The following JMY variants were observed in gnomAD, a reference collection of about 807,000 sequenced individuals.
JMY encodes junction mediating and regulatory protein, p53 cofactor.
JMY carries 46 observed loss-of-function variants against 103.3 expected under a neutral mutation model. That is an observed-to-expected ratio of 0.45 (90% CI 0.35 to 0.57). The LOEUF is 0.57. Among genes scored for constraint, JMY ranks in the 20% least tolerant of loss-of-function variants. The pLI is 0.00. For synonymous variants in JMY, 526 were observed against 489.3 expected (o/e 1.07, Z -0.99); for missense variants, 1,238 against 1,255.2 (o/e 0.99, Z 0.21).
At chr5:79,245,954 A>G (rs1744887616) in intron 1 of JMY, among the ~76,000 whole-genome samples, 1 of 152,212 alleles carries the variant, frequency 6.6e-6, no homozygotes, top group African/African-American at 2.4e-5. Flanking sequence ...CCTTGCAGTA[A>G]GATGACTGTT....
chr5:79,294,057 TAAG>T (rs1383998469), intron 4 of JMY, among the ~76,000 whole-genome samples: 7 of 152,266 alleles, frequency 4.6e-5, no homozygotes, highest in Middle Eastern at 3.4e-3. Flanking sequence ...AATGTTGAAA[TAAG>T]GAGATTTTCT....
chr5:79,258,792 T>C (rs1415971788), intron 1 of JMY, among the ~76,000 whole-genome samples: 2 of 152,090 alleles, frequency 1.3e-5, no homozygotes, highest in African/African-American at 4.8e-5. Flanking sequence ...CTTGGGGAGC[T>C]CCTAGGTCTG....
chr5:79,313,430 A>G (rs1747111173), intron 8 of JMY, among the ~76,000 whole-genome samples: 1 of 152,096 alleles, frequency 6.6e-6, no homozygotes, highest in South Asian at 2.1e-4. Context: ...AAAACAAACA[A>G]ACAAACAAAA....
Position 79,314,270 on chromosome 5 carries a change from A to C in JMY, c.2078A>C (p.Gln693Pro). 1 of 1,610,602 alleles carries C rather than the reference A, an allele frequency of 6.2e-7. No homozygotes were observed. Among genetic ancestry groups the C allele is most frequent in the South Asian group, 1.1e-5 (1 of 90,426 alleles). ...CTGGTATTTTAGAGGTATCCTGGGC[A>C]AGTCATACTTAAATCAACCAGATTA... ...LRTFKQRYPGQVILKSTRLRL... is the reference protein window; with the variant it reads ...LRTFKQRYPGPVILKSTRLRL... Residue 693 changes from glutamine to proline, a missense_variant, in exon 9 of 11, where the codon CAA (glutamine) becomes CCA (proline). Transcript: ENST00000396137.
chr5:79,313,893 CTG>C, intron 8 of JMY, among the ~76,000 whole-genome samples: 1 of 152,330 alleles, frequency 6.6e-6, no homozygotes, highest in East Asian at 1.9e-4. Context: ...GAATCTCACT[CTG>C]TCACTCAGGC....
intron 1 of JMY, among the ~76,000 whole-genome samples, chr5:79,274,275 G>T (rs1321034299): frequency 2.0e-5 from 3 of 152,024 alleles, no homozygotes; most frequent in Non-Finnish European, 2.9e-5. Flanking sequence ...TATTCTTGTT[G>T]AGTGTATTTC....
intron 2 of JMY, among the ~76,000 whole-genome samples, chr5:79,289,264 G>A (rs1224057396): frequency 6.6e-6 from 1 of 150,746 alleles, no homozygotes; most frequent in East Asian, 1.9e-4. Context: ...GGAGAATATG[G>A]GTTGTATTAT....
At chr5:79,256,747 C>T (rs1388300886) in intron 1 of JMY, among the ~76,000 whole-genome samples, 1 of 152,108 alleles carries the variant, frequency 6.6e-6, no homozygotes, top group East Asian at 1.9e-4. Flanking sequence ...TGCTGACCTT[C>T]CTGCCTTCCT....
chr5:79,260,069 T>A (rs1010677622), intron 1 of JMY, among the ~76,000 whole-genome samples: 1 of 152,144 alleles, frequency 6.6e-6, no homozygotes, highest in African/African-American at 2.4e-5. Flanking sequence ...TTGCAGTGTC[T>A]CCCAGGACAG....
intron 1 of JMY, among the ~76,000 whole-genome samples, chr5:79,276,956 C>T (rs1745956102): frequency 6.6e-6 from 1 of 152,110 alleles, no homozygotes; most frequent in Non-Finnish European, 1.5e-5. Context: ...AGGCCTGCCT[C>T]AAACTCTTGG....
At position 79,237,468 on chromosome 5, in the gene JMY, G is replaced by A; in HGVS notation, c.818G>A (p.Gly273Asp). 1 of 1,609,782 alleles carries A rather than the reference G, an allele frequency of 6.2e-7. No homozygotes were observed. The highest frequency in any genetic ancestry group is 8.5e-7 in the Non-Finnish European group (1 of 1,178,592). ...PSGMWTVLFG[G>D]APEMTEQEID... ...GGCATGTGGACTGTGCTGTTTGGGG[G>A]CGCCCCCGAGATGACCGAGCAGGAA... Residue 273 changes from glycine to aspartate, a missense_variant, in exon 1 of 11, where the codon GGC (glycine) becomes GAC (aspartate). Transcript: ENST00000396137.
At chr5:79,251,313 C>T (rs555138912) in intron 1 of JMY, among the ~76,000 whole-genome samples, 15 of 152,244 alleles carry the variant, frequency 9.9e-5, no homozygotes, top group African/African-American at 2.9e-4. Context: ...CTCATTGCAG[C>T]CTCAACCTCC....
chr5:79,307,657 A>G (rs1024753596), intron 7 of JMY, among the ~76,000 whole-genome samples: 2 of 152,142 alleles, frequency 1.3e-5, no homozygotes, highest in African/African-American at 4.8e-5. Context: ...AGATAAATAG[A>G]TACATATACA....
intron 10 of JMY, among the ~76,000 whole-genome samples, chr5:79,318,174 C>CTTTTT (rs35595124): frequency 6.8e-6 from 1 of 146,046 alleles, no homozygotes; most frequent in Non-Finnish European, 1.5e-5. Context: ...GCTCTTTTTT[C>CTTTTT]TTTTTTTTTT....
chr5:79,284,477 T>A (rs1214379221), intron 2 of JMY: 2 of 1,587,298 alleles, frequency 1.3e-6, no homozygotes, highest in African/African-American at 2.7e-5. Context: ...CTTCTGTATC[T>A]GATTGTTGCG....
intron 7 of JMY, among the ~76,000 whole-genome samples, chr5:79,308,743 T>C (rs1254063870): frequency 1.3e-5 from 2 of 152,086 alleles, no homozygotes; most frequent in East Asian, 3.8e-4. Context: ...TTTTTAATTA[T>C]TATGTTTATT....
chr5:79,319,655 C>T (rs968628257), intron 10 of JMY, among the ~76,000 whole-genome samples: 11 of 151,754 alleles, frequency 7.2e-5, no homozygotes, highest in Middle Eastern at 3.4e-3. Context: ...GATCTTGACT[C>T]ACTGCAACCT....
Position 79,323,553 on chromosome 5 carries a change from A to G in JMY, c.*1951A>G, listed in dbSNP as rs962093643. 1.3e-5 allele frequency: 2 copies of G among 152,224 alleles called. No homozygotes were observed. The highest frequency in any genetic ancestry group is 6.5e-5 in the Admixed American group (1 of 15,282). The allele number at this position is 152,224 out of a possible 1,614,324, so 9.4% of individuals were successfully genotyped here. ...CAAACCTTTACAAAATCATGTATCA[A>G]TTTTATGCTATCCAGTTTTTACGTA... On this transcript the variant is annotated 3_prime_UTR_variant, in exon 11 of 11. Coordinates refer to ENST00000396137, the MANE Select transcript of JMY (RefSeq NM_152405.5).
chr5:79,300,588 C>G (rs1746703254), intron 5 of JMY, 88 bp from the exon 6 acceptor site: 12 of 1,054,792 alleles, frequency 1.1e-5, no homozygotes, highest in Non-Finnish European at 1.6e-5. Flanking sequence ...CCTGAGGTTG[C>G]AGAGCCAGTA....
Sources: allele counts gnomAD v4.1 joint callset (sites outside exome capture counted in the v4.1 genomes callset), GRCh38; gene constraint gnomAD v4.1.1; transcripts MANE v1.5; gene names NCBI Gene and HGNC (gene_info 2026-07-23, HGNC 2026-07-21).